The following WBP11 variants were observed in gnomAD, a reference collection of about 807,000 sequenced individuals.
The protein encoded by WBP11 is WW domain-binding protein 11.
In WBP11, 12 loss-of-function variants were observed where a neutral mutation model predicts 66.7. The observed-to-expected ratio is 0.18, with a 90% CI of 0.12 to 0.29. The LOEUF (loss-of-function observed/expected upper bound fraction) is 0.29, where lower values mean the gene tolerates loss of function less well. Ranked by LOEUF, WBP11 falls within the 10% of genes least tolerant of loss-of-function variation. The probability of loss-of-function intolerance (pLI) is 1.00; values close to 1 mark genes in which losing one functional copy is unlikely to be tolerated. For missense variants in WBP11, 555 were observed against 818.3 expected (o/e 0.68, Z 3.93); for synonymous variants, 255 against 273.8 (o/e 0.93, Z 0.68).
Position 14,796,972 on chromosome 12 carries a change from A to G in WBP11, c.222T>C (p.Asn74=), listed in dbSNP as rs375633362. 2.1e-4 allele frequency: 336 copies of G among 1,604,792 alleles called. No individual in the cohort carries two copies. Among genetic ancestry groups the G allele is most frequent in the South Asian group, 1.4e-3 (121 of 89,058 alleles). The part of the protein sequence containing the change: ...EFNPVQQPQL[N]EKVLKDKRKK... ...TACGCTTGTCTTTCAGTACTTTCTC[A>G]TTTAATTGTGGCTGTTGCACTGGGT... is the stretch of plus-strand genomic sequence containing the variant. Residue 74 remains asparagine (N), a synonymous_variant, in exon 5 of 12, where the codon AAT becomes AAC. Coordinates refer to ENST00000261167, the MANE Select transcript of WBP11 (RefSeq NM_016312.3). The surrounding 1 kb of genome is among the most constrained non-coding windows in gnomAD (Gnocchi z 4.5).
In WBP11 at chr12:14,793,937, G is replaced by A; in HGVS notation, c.722-15C>T. ...ACCTCGCTGGGCTGAAAAGTGGGAA[G>A]GGAACATGGAGAAGTAGTATGATTG... On this transcript the variant is annotated splice_polypyrimidine_tract_variant and intron_variant, in intron 7 of 11. Coordinates refer to ENST00000261167, the MANE Select transcript of WBP11 (RefSeq NM_016312.3). The A allele has an allele frequency of 6.3e-7, 1 of 1,597,908 alleles. No individual in the cohort carries two copies.
At position 14,787,493 on chromosome 12, in the gene WBP11, G is replaced by A; in HGVS notation, c.1498C>T (p.Pro500Ser). 1 of 1,501,786 alleles carries A rather than the reference G, an allele frequency of 6.7e-7. No homozygotes were observed. The highest frequency in any genetic ancestry group is 8.9e-7 in the Non-Finnish European group (1 of 1,124,178). The allele number at this position is 1,501,786 out of a possible 1,614,324, so 93.0% of individuals were successfully genotyped here. A position where few individuals can be genotyped will look rare whatever the true frequency, so the allele number is the denominator to read the frequency against. The change falls in exon 12 of 12, where the codon CCT (proline) becomes TCT (serine). Residue 500 changes from proline (P) to serine (S), a missense_variant. Physicochemically the swap from Pro to Ser is moderately conservative, Grantham distance 74 (BLOSUM62 -1). This residue lies in a region of WBP11 where 230 missense variants were observed against 286.3 expected (regional missense o/e 0.80). Coordinates refer to ENST00000261167, the MANE Select transcript of WBP11 (RefSeq NM_016312.3). ...CGCATCATGCCAGGACGAGGTGGAG[G>A]AATACCTAAATGAATAAAATAGGCA... ...RLPPPAPPGIPPPRPGMMRPP... is the reference protein window; with the variant it reads ...RLPPPAPPGISPPRPGMMRPP...
At position 14,790,959 on chromosome 12, in the gene WBP11, C is replaced by A. The variant is rs138183046; in HGVS notation, c.1015+210G>T. 2.7e-3 allele frequency among the ~76,000 whole-genome samples: 412 copies of A among 152,286 alleles called. 2 individuals carry two copies. Among genetic ancestry groups the A allele is most frequent in the African/African-American group, 9.6e-3 (397 of 41,562 alleles). ...AGTGGAATGAACTCAGGCTTTAAAA[C>A]CAGACAGACCAATATTTAAATGCCA... On this transcript the variant is annotated intron_variant, in intron 9 of 11. Transcript: ENST00000261167.
chr12:14,801,269 G>A, intron 2 of WBP11, 51 bp downstream of exon 2: 1 of 1,570,394 alleles, frequency 6.4e-7, no homozygotes, highest in Non-Finnish European at 8.7e-7. Flanking sequence ...CCTAATATTT[G>A]CAATTTTTAA....
At position 14,787,323 on chromosome 12, in the gene WBP11, C is replaced by T. The variant is rs755435103; in HGVS notation, c.1668G>A (p.Lys556=). The change falls in exon 12 of 12, where the codon AAG becomes AAA. Residue 556 remains lysine, a synonymous_variant. Coordinates refer to ENST00000261167, the MANE Select transcript of WBP11 (RefSeq NM_016312.3). ...TGGCACTGATGGTTGCTGTGGCTTTCTTCTCAATGGTGGCTGCACTTGTAT... is the reference window on the plus strand; with the variant it reads ...TGGCACTGATGGTTGCTGTGGCTTTTTTCTCAATGGTGGCTGCACTTGTAT... The part of the protein sequence containing the change: ...ADDTSAATIE[K]KATATISAKP... 6.2e-7 allele frequency: 1 copy of T among 1,614,090 alleles called. No homozygotes were observed.
Position 14,796,358 on chromosome 12 carries a change from C to T in WBP11, c.387+449G>A, listed in dbSNP as rs1394228499. On this transcript the variant is annotated intron_variant, in intron 5 of 11. Transcript: ENST00000261167. This position sits in a 1 kb window ranked among gnomAD's most constrained non-coding sequence, Gnocchi z 4.5. ...AGAGGATTAGATTTGCAGGTTCACA[C>T]AGTAGGTATATGTTTAGTTTTAGAA... Among the ~76,000 whole-genome samples, 1 of 152,156 alleles carries T rather than the reference C, an allele frequency of 6.6e-6. No homozygotes were observed. The highest frequency in any genetic ancestry group is 1.5e-5 in the Non-Finnish European group (1 of 68,028).
chr12:14,791,261 A>G lies in WBP11; in HGVS notation c.923T>C (p.Val308Ala). The change falls in exon 9 of 12, where the codon GTA (valine) becomes GCA (alanine). Residue 308 changes from valine (V) to alanine (A), a missense_variant. By Grantham distance (64) the Val-to-Ala change is moderately conservative. Around this residue, in one of 6 missense-constraint regions of WBP11, gnomAD observed 220 missense variants for 268.2 expected, o/e 0.82. Transcript: ENST00000261167. ...NNEEKKSGLS[V>A]RFADMPGKSR... ...TTTTCCAGGCATATCTGCAAACCGT[A>G]CACTCAGACCTAAGGGGACAAAGGA... 6.2e-7 allele frequency: 1 copy of G among 1,614,056 alleles called. No homozygotes were observed. Among genetic ancestry groups the G allele is most frequent in the Non-Finnish European group, 8.5e-7 (1 of 1,179,974 alleles).
At chr12:14,798,227 T>C (rs1012622453) in intron 4 of WBP11, among the ~76,000 whole-genome samples, 12 of 152,194 alleles carry the variant, frequency 7.9e-5, no homozygotes, top group Non-Finnish European at 1.3e-4. Context: ...GTAAAAGCGC[T>C]GAATGCCTGA....
intron 1 of WBP11, among the ~76,000 whole-genome samples, chr12:14,801,703 G>A (rs1949965728): frequency 6.6e-6 from 1 of 152,150 alleles, no homozygotes; most frequent in African/African-American, 2.4e-5. Context: ...ATGGATCACA[G>A]CACTGACTTT....
chr12:14,791,041 T>C, intron 9 of WBP11, 128 bp downstream of exon 9: 5 of 972,560 alleles, frequency 5.1e-6, no homozygotes, highest in Non-Finnish European at 7.5e-6. Flanking sequence ...GTTCCAAACC[T>C]TATTTTTGTA....
Position 14,796,708 on chromosome 12 carries a change from C to G in WBP11, c.387+99G>C. 8.5e-7 allele frequency: 1 copy of G among 1,173,628 alleles called. No homozygotes were observed. The highest frequency in any genetic ancestry group is 1.2e-6 in the Non-Finnish European group (1 of 863,418). 72.7% of individuals were successfully genotyped at this position (1,173,628 alleles called of 1,614,324 possible). A position where few individuals can be genotyped will look rare whatever the true frequency, so the allele number is the denominator to read the frequency against. On this transcript the variant is annotated intron_variant, in intron 5 of 11. Transcript: ENST00000261167. The surrounding 1 kb of genome is among the most constrained non-coding windows in gnomAD (Gnocchi z 4.5). ...CAAAATATAAAAAAAACCCAACAAC[C>G]CTAAATCCAAAACACTTCTGGTCCC...
chr12:14,801,123 A>T, intron 2 of WBP11, 197 bp downstream of exon 2: 1 of 495,138 alleles, frequency 2.0e-6, no homozygotes, highest in Non-Finnish European at 3.4e-6. Context: ...CAAGTCAATC[A>T]AATTTGAAAA....
intron 10 of WBP11, 52 bp from the exon 11 acceptor site, chr12:14,789,185 TA>T: frequency 1.4e-6 from 2 of 1,454,150 alleles, no homozygotes; most frequent in Non-Finnish European, 1.8e-6. Context: ...CACTAAGTAA[TA>T]ATTATGGCTT....
In WBP11 at chr12:14,790,698, T is replaced by C. The variant is rs1949811886; in HGVS notation, c.1067A>G (p.Asp356Gly). The C allele has an allele frequency of 4.3e-6, 7 of 1,614,106 alleles. No homozygotes were observed. The highest frequency in any genetic ancestry group is 5.9e-6 in the Non-Finnish European group (7 of 1,180,046). The change falls in exon 10 of 12, where the codon GAT becomes GGT. Residue 356 changes from aspartate to glycine, a missense_variant. Physicochemically the swap from Asp to Gly is moderately conservative, Grantham distance 94 (BLOSUM62 -1). Transcript: ENST00000261167. ...AGAGTCATCAGAATCATCTTCATCATCGTCCTCTGAAAATTCCTCTACTTC... is the reference window on the plus strand; with the variant it reads ...AGAGTCATCAGAATCATCTTCATCACCGTCCTCTGAAAATTCCTCTACTTC... ...GREVEEFSED[D>G]DEDDSDDSEA...
chr12:14,789,596 T>A (rs530449751), intron 10 of WBP11, among the ~76,000 whole-genome samples: 1 of 152,020 alleles, frequency 6.6e-6, no homozygotes, highest in South Asian at 2.1e-4. Flanking sequence ...AAAAAAAAAA[T>A]ATATCTGAGC....
In WBP11 at chr12:14,790,438, C is replaced by T. The variant is rs775873578; in HGVS notation, c.1309+18G>A. ...TCTAACCTCATTTAAACTTTATTCA[C>T]ATTATGTAAGTGTTTACCTGGAGGT... is the stretch of plus-strand genomic sequence containing the variant. On this transcript the variant is annotated intron_variant, in intron 10 of 11. Transcript: ENST00000261167. 69 of 1,609,828 alleles carry T rather than the reference C, an allele frequency of 4.3e-5. 1 individual carries two copies. The South Asian group carries it at 4.9e-4, about 11-fold the overall frequency.
rs956981944 is a variant in WBP11, at chr12:14,799,430, G to A, written c.190+205C>T. ...ACAATTAACTGAAAGCCAAATAATCGCTTCCCTCTTATTCTGGTATCTGGG... is the reference window on the plus strand; with the variant it reads ...ACAATTAACTGAAAGCCAAATAATCACTTCCCTCTTATTCTGGTATCTGGG... On this transcript the variant is annotated intron_variant, in intron 4 of 11. Coordinates refer to ENST00000261167, the MANE Select transcript of WBP11 (RefSeq NM_016312.3). 28 of 385,126 alleles carry A rather than the reference G, an allele frequency of 7.3e-5. No homozygotes were observed. The Admixed American group carries it at 7.7e-4, about 11-fold the overall frequency. 23.9% of individuals were successfully genotyped at this position (385,126 alleles called of 1,614,324 possible).
chr12:14,803,318 G>A (rs1949994700), intron 1 of WBP11, 34 bp downstream of exon 1: 1 of 397,466 alleles, frequency 2.5e-6, no homozygotes, highest in Non-Finnish European at 4.4e-6. Flanking sequence ...CGAAAGAGGT[G>A]AGGAAGAGTA....
At chr12:14,800,167 A>G (rs1205348537) in intron 3 of WBP11, among the ~76,000 whole-genome samples, 1 of 152,084 alleles carries the variant, frequency 6.6e-6, no homozygotes, top group Non-Finnish European at 1.5e-5. Flanking sequence ...TGAAAACACA[A>G]TCGAACATTA....
Sources: gnomAD v4.1 joint callset for allele counts (sites outside exome capture counted in the v4.1 genomes callset) on GRCh38, gnomAD v4.1.1 for gene constraint, gnomAD v4.1.1 regional missense constraint, Gnocchi (gnomAD v3.1) non-coding constraint, MANE v1.5 for transcripts, NCBI Gene and HGNC (gene_info 2026-07-23, HGNC 2026-07-21) for gene names.